The following ARPC5 variants were observed in gnomAD, a reference collection of about 807,000 sequenced individuals.
The protein encoded by ARPC5 is actin related protein 2/3 complex subunit 5, also known as actin-related protein 2/3 complex subunit 5.
ARPC5 carries 5 observed loss-of-function variants against 15.4 expected under a neutral mutation model. That is an observed-to-expected ratio of 0.32 (90% CI 0.17 to 0.68). The LOEUF (loss-of-function observed/expected upper bound fraction) is 0.68, where lower values mean the gene tolerates loss of function less well. Among genes scored for constraint, ARPC5 ranks in the 30% least tolerant of loss-of-function variants. The pLI, the probability that ARPC5 is intolerant of heterozygous loss-of-function variation, is 0.71. For synonymous variants in ARPC5, 85 were observed against 72.2 expected (o/e 1.18, Z -0.90); for missense variants, 138 against 192.8 (o/e 0.72, Z 1.68).
At chr1:183,628,438 G>C (rs1039879047) in intron 3 of ARPC5, among the ~76,000 whole-genome samples, 1 of 152,090 alleles carries the variant, frequency 6.6e-6, no homozygotes, top group Non-Finnish European at 1.5e-5. Context: ...TCAAGTATTA[G>C]GAATCTGAGC....
At chr1:183,633,811 C>G (rs1649337263) in intron 1 of ARPC5, 1 of 152,180 alleles carries the variant, frequency 6.6e-6, no homozygotes, top group Non-Finnish European at 1.5e-5. Context: ...TAAATTCAGG[C>G]TCTCTTTGAA....
Position 183,630,627 on chromosome 1 carries a change from C to T in ARPC5, c.227G>A (p.Gly76Asp). Residue 76 changes from glycine (G) to aspartate (D), a missense_variant, in exon 3 of 4, where the codon GGC becomes GAC. Gly to Asp is a moderately conservative substitution (Grantham distance 94). Coordinates refer to ENST00000359856, the MANE Select transcript of ARPC5 (RefSeq NM_005717.4). ...GATGAGCACCTTCAAGACAATGCTG[C>T]CTGCCCGGTCCTGGTGGGTCAATAA... ...TKSQAVKDRA[G>D]SIVLKVLISF... 6.2e-7 allele frequency: 1 copy of T among 1,612,710 alleles called. No individual in the cohort carries two copies. The highest frequency in any genetic ancestry group is 8.5e-7 in the Non-Finnish European group (1 of 1,179,416).
At chr1:183,634,637 C>T (rs562156924) in intron 1 of ARPC5, among the ~76,000 whole-genome samples, 1 of 152,254 alleles carries the variant, frequency 6.6e-6, no homozygotes, top group East Asian at 1.9e-4. Context: ...GAACTGACTG[C>T]CATATTTTAA....
chr1:183,623,788 G>T lies in ARPC5; in HGVS notation c.*3744C>A. ...CTGTAATCCCAGTGCTTTGGGAGGC[G>T]GAGGAGGGTGGATCACCTGAGGTCA... On this transcript the variant is annotated 3_prime_UTR_variant, in exon 4 of 4. Transcript: ENST00000359856. The T allele has an allele frequency of 2.8e-6, 1 of 358,336 alleles. No individual in the cohort carries two copies. The highest frequency in any genetic ancestry group is 5.2e-6 in the Non-Finnish European group (1 of 192,908). The allele number at this position is 358,336 out of a possible 1,614,324, so 22.2% of individuals were successfully genotyped here.
rs1232679135 is a variant in ARPC5 at position 183,623,426 on chromosome 1, T to C, written c.*4106A>G. On this transcript the variant is annotated 3_prime_UTR_variant, in exon 4 of 4. Coordinates refer to ENST00000359856, the MANE Select transcript of ARPC5 (RefSeq NM_005717.4). ...AGGCAGATGACATGCTGTACCTCTG[T>C]GGGCTTCCCGGGCCTCCTCCATATC... 2.6e-6 allele frequency: 4 copies of C among 1,550,384 alleles called. No homozygotes were observed. The highest frequency in any genetic ancestry group is 1.4e-5 in the African/African-American group (1 of 73,016).
At chr1:183,627,670 TAAAG>T (rs1649145991) in intron 3 of ARPC5, 76 bp from the exon 4 acceptor site, 3 of 1,271,848 alleles carry the variant, frequency 2.4e-6, no homozygotes, top group Admixed American at 1.7e-5. Flanking sequence ...ACATTTTTCT[TAAAG>T]AAGGAATGGG....
chr1:183,622,644 T>C lies in ARPC5; in HGVS notation c.*4888A>G, dbSNP rs1352298383. ...GCCACAGAATAATGAACAGATCATA[T>C]AAACTCCCATAGTGCCACTGTTAGC... On this transcript the variant is annotated 3_prime_UTR_variant, in exon 4 of 4. Transcript: ENST00000359856. 1 of 152,162 alleles carries C rather than the reference T, an allele frequency of 6.6e-6. No homozygotes were observed. The highest frequency in any genetic ancestry group is 6.5e-5 in the Admixed American group (1 of 15,284). The allele number at this position is 152,162 out of a possible 1,614,324, so 9.4% of individuals were successfully genotyped here. A position where few individuals can be genotyped will look rare whatever the true frequency, so the allele number is the denominator to read the frequency against.
chr1:183,623,449 A>G lies in ARPC5; in HGVS notation c.*4083T>C. On this transcript the variant is annotated 3_prime_UTR_variant, in exon 4 of 4. Transcript: ENST00000359856. ...TGTGGGCTTCCCGGGCCTCCTCCAT[A>G]TCTGGAATCATACAAGAGGCACCTG... 1 of 1,550,330 alleles carries G rather than the reference A, an allele frequency of 6.5e-7. No individual in the cohort carries two copies. The highest frequency in any genetic ancestry group is 8.7e-7 in the Non-Finnish European group (1 of 1,146,902).
intron 2 of ARPC5, chr1:183,632,646 T>C (rs536526572): frequency 6.5e-6 from 1 of 153,116 alleles, no homozygotes; most frequent in Non-Finnish European, 1.5e-5. Context: ...GTAGTAACTG[T>C]TATCTCTGGG....
In ARPC5 at chr1:183,635,717, C is replaced by G; in HGVS notation, c.-58G>C. 1 of 1,575,556 alleles carries G rather than the reference C, an allele frequency of 6.3e-7. No individual in the cohort carries two copies. The highest frequency in any genetic ancestry group is 8.6e-7 in the Non-Finnish European group (1 of 1,159,490). On this transcript the variant is annotated 5_prime_UTR_variant, in exon 1 of 4. Transcript: ENST00000359856. Reference sequence around the variant, plus strand: ...TGGCGCTGCCTCTACCTCAGCAAGCCCAGCCCAGCAACCCACTACCCGGCG... The same window carrying G: ...TGGCGCTGCCTCTACCTCAGCAAGCGCAGCCCAGCAACCCACTACCCGGCG...
Position 183,623,314 on chromosome 1 carries a change from T to G in ARPC5, c.*4218A>C. The G allele has an allele frequency of 1.9e-6, 2 of 1,040,362 alleles. No homozygotes were observed. The highest frequency in any genetic ancestry group is 2.9e-6 in the Non-Finnish European group (2 of 693,836). The allele number at this position is 1,040,362 out of a possible 1,614,324, so 64.4% of individuals were successfully genotyped here. On this transcript the variant is annotated 3_prime_UTR_variant, in exon 4 of 4. Coordinates refer to ENST00000359856, the MANE Select transcript of ARPC5 (RefSeq NM_005717.4). ...TTACACACTCAAGTAACAGAAATGA[T>G]AAAGGAAAATAGAAATGTTAAAGTG...
intron 2 of ARPC5, chr1:183,631,929 T>G (rs1339625590): frequency 6.6e-6 from 1 of 152,240 alleles, no homozygotes; most frequent in African/African-American, 2.4e-5. Flanking sequence ...GCATTCCTAC[T>G]GGTCAGGATT....
intron 2 of ARPC5, chr1:183,631,956 C>T (rs1649280403): frequency 6.6e-6 from 1 of 152,206 alleles, no homozygotes; most frequent in South Asian, 2.1e-4. Context: ...AATGTTTCTA[C>T]CACCTACTGT....
At chr1:183,629,966 A>G (rs1429423043) in intron 3 of ARPC5, among the ~76,000 whole-genome samples, 1 of 152,224 alleles carries the variant, frequency 6.6e-6, no homozygotes, top group Non-Finnish European at 1.5e-5. Flanking sequence ...ATTATTTCAT[A>G]TAAGTAAAAT....
intron 3 of ARPC5, among the ~76,000 whole-genome samples, chr1:183,629,638 T>C (rs759810334): frequency 1.3e-5 from 2 of 152,248 alleles, no homozygotes; most frequent in Non-Finnish European, 2.9e-5. Context: ...AGCATCTACT[T>C]ACATTGCAAA....
rs1649143732 is a variant in ARPC5, at chr1:183,627,595, C to T, written c.394-1G>A. On this transcript the variant is annotated splice_acceptor_variant, in intron 3 of 3. Coordinates refer to ENST00000359856, the MANE Select transcript of ARPC5 (RefSeq NM_005717.4). LOFTEE classifies it high-confidence loss of function. ...ACCCTACTCCTCCAGCAGCAAGTGC[C>T]TAAAAACAAACCAAGATGTAAATGT... 1 of 1,612,880 alleles carries T rather than the reference C, an allele frequency of 6.2e-7. No individual in the cohort carries two copies. The highest frequency in any genetic ancestry group is 8.5e-7 in the Non-Finnish European group (1 of 1,179,100).
In ARPC5 at chr1:183,630,647, C is replaced by T; in HGVS notation, c.217-10G>A. On this transcript the variant is annotated splice_polypyrimidine_tract_variant and intron_variant, in intron 2 of 3. Coordinates refer to ENST00000359856, the MANE Select transcript of ARPC5 (RefSeq NM_005717.4). ...TGCTGCCTGCCCGGTCCTGGTGGGT[C>T]AATAAATAACAGAACATTTAGACAT... is the stretch of plus-strand genomic sequence containing the variant. The T allele has an allele frequency of 6.2e-7, 1 of 1,606,282 alleles. No individual in the cohort carries two copies. Among genetic ancestry groups the T allele is most frequent in the South Asian group, 1.1e-5 (1 of 89,946 alleles).
rs1322656435 is a variant in ARPC5, at chr1:183,621,137, A to T, written c.*6395T>A. ...AAGATTAAAAAATGTTTTATGACAA[A>T]CACATAGAATAGGTAAAGGGGTGGG... is the stretch of plus-strand genomic sequence containing the variant. On this transcript the variant is annotated 3_prime_UTR_variant, in exon 4 of 4. Transcript: ENST00000359856. The T allele has an allele frequency of 6.6e-6, 1 of 152,220 alleles. No individual in the cohort carries two copies. 9.4% of individuals were successfully genotyped at this position (152,220 alleles called of 1,614,324 possible).
intron 3 of ARPC5, among the ~76,000 whole-genome samples, chr1:183,628,192 A>AT (rs929085631): frequency 4.8e-4 from 69 of 144,988 alleles, no homozygotes; most frequent in Non-Finnish European, 9.1e-4. Flanking sequence ...AAAAAAAAAA[A>AT]AAAAAAAAAA....
Sources: gnomAD v4.1 joint callset for allele counts (sites outside exome capture counted in the v4.1 genomes callset) on GRCh38, gnomAD v4.1.1 for gene constraint, MANE v1.5 for transcripts, NCBI Gene and HGNC (gene_info 2026-07-23, HGNC 2026-07-21) for gene names.